FSHR: variants seen among roughly 807,000 people sequenced by gnomAD.
FSHR encodes the protein follicle-stimulating hormone receptor.
FSHR carries 46 observed loss-of-function variants against 52.1 expected under a neutral mutation model. The ratio of observed to expected loss-of-function variants is 0.88; its 90% confidence interval spans 0.70 to 1.13. The LOEUF is 1.13. Ranked by LOEUF, FSHR falls within the 50% of genes most tolerant of loss-of-function variation. The pLI is 0.00. For missense variants in FSHR, 964 were observed against 834.6 expected (o/e 1.16, Z -1.91); for synonymous variants, 399 against 309.6 (o/e 1.29, Z -3.03).
chr2:49,127,817 CTTCTTCTTCTTCCT>C (rs1672085382), intron 1 of FSHR, among the ~76,000 whole-genome samples: 1 of 49,716 alleles, frequency 2.0e-5, no homozygotes, highest in African/African-American at 8.4e-5. Context: ...TCTTCTTCTT[CTTCTTCTTCTTCCT>C]CTTCTTCTTC....
At chr2:49,134,748 C>G (rs569596621) in intron 1 of FSHR, among the ~76,000 whole-genome samples, 1 of 152,086 alleles carries the variant, frequency 6.6e-6, no homozygotes, top group Non-Finnish European at 1.5e-5. Context: ...AAAAATGATG[C>G]GTTCATGTCC....
At chr2:49,039,961 T>G (rs1438088947) in intron 2 of FSHR, among the ~76,000 whole-genome samples, 4 of 152,062 alleles carry the variant, frequency 2.6e-5, no homozygotes, top group South Asian at 2.1e-4. Context: ...ATTACTTTCA[T>G]AATCATAAAA....
chr2:49,067,012 G>C (rs1238122887), intron 2 of FSHR, among the ~76,000 whole-genome samples: 4 of 152,044 alleles, frequency 2.6e-5, no homozygotes, highest in Non-Finnish European at 5.9e-5. Context: ...TGTGATAGTT[G>C]AATGTCCTCA....
rs985931427 is a variant in FSHR, at chr2:48,962,706, T to C, written c.*27A>G. ...AAGGCAAGACTGAATTATCATTCAA[T>C]ACTCAGATACATTTTCACATTGTGT... is the stretch of plus-strand genomic sequence containing the variant. On this transcript the variant is annotated 3_prime_UTR_variant, in exon 10 of 10. Transcript: ENST00000406846. The C allele has an allele frequency of 1.2e-6, 2 of 1,605,432 alleles. No individual in the cohort carries two copies. Among genetic ancestry groups the C allele is most frequent in the African/African-American group, 2.7e-5 (2 of 74,722 alleles).
At chr2:49,041,282 T>C (rs1052467419) in intron 2 of FSHR, among the ~76,000 whole-genome samples, 1 of 152,164 alleles carries the variant, frequency 6.6e-6, no homozygotes, top group African/African-American at 2.4e-5. Context: ...TGAGTATGGA[T>C]AGAAATGGAA....
intron 8 of FSHR, among the ~76,000 whole-genome samples, chr2:48,981,502 C>T (rs1029356254): frequency 1.3e-5 from 2 of 152,086 alleles, no homozygotes; most frequent in Non-Finnish European, 2.9e-5. Context: ...TTGGTCTAAA[C>T]CAAGGCAGTC....
chr2:49,015,766 A>T (rs1002031911), intron 4 of FSHR, among the ~76,000 whole-genome samples: 1 of 152,202 alleles, frequency 6.6e-6, no homozygotes, highest in Non-Finnish European at 1.5e-5. Context: ...ACCTCTAAGC[A>T]GGACTGGCTA....
At chr2:48,980,162 A>G (rs1559092341) in intron 8 of FSHR, among the ~76,000 whole-genome samples, 1 of 152,196 alleles carries the variant, frequency 6.6e-6, no homozygotes, top group Non-Finnish European at 1.5e-5. Flanking sequence ...TTTTGGCCCC[A>G]GGGGGAAAAG....
intron 4 of FSHR, among the ~76,000 whole-genome samples, chr2:49,011,113 T>G (rs1461298845): frequency 1.9e-4 from 29 of 151,146 alleles, no homozygotes; most frequent in South Asian, 2.1e-4. Context: ...TCTTTTAATT[T>G]TGATGTTAGG....
intron 1 of FSHR, among the ~76,000 whole-genome samples, chr2:49,118,331 G>A (rs540074846): frequency 8.6e-5 from 13 of 151,990 alleles, no homozygotes; most frequent in Admixed American, 7.9e-4. Context: ...GGGGCCAAAG[G>A]GGAGAAAAGA....
chr2:49,116,790 A>C (rs1671614580), intron 1 of FSHR, among the ~76,000 whole-genome samples: 1 of 152,216 alleles, frequency 6.6e-6, no homozygotes, highest in African/African-American at 2.4e-5. Context: ...TAGAATGGTC[A>C]AATCAGGGTT....
intron 1 of FSHR, among the ~76,000 whole-genome samples, chr2:49,143,834 A>G (rs1672776269): frequency 6.6e-6 from 1 of 152,148 alleles, no homozygotes; most frequent in Non-Finnish European, 1.5e-5. Flanking sequence ...AGCCAAAGTG[A>G]TTTATACTGC....
intron 1 of FSHR, among the ~76,000 whole-genome samples, chr2:49,105,966 G>A (rs1671206162): frequency 6.6e-6 from 1 of 152,148 alleles, no homozygotes; most frequent in South Asian, 2.1e-4. Flanking sequence ...GCAGTCATAA[G>A]AAAATCACTC....
intron 2 of FSHR, among the ~76,000 whole-genome samples, chr2:49,039,715 T>C (rs12613782): frequency 0.054 from 8,207 of 152,280 alleles, 383 homozygotes; most frequent in East Asian, 0.23. Context: ...TTTTAAATAT[T>C]TTAATGGCCA....
At chr2:49,068,738 C>A (rs1464541364) in intron 1 of FSHR, among the ~76,000 whole-genome samples, 4 of 152,086 alleles carry the variant, frequency 2.6e-5, no homozygotes, top group Non-Finnish European at 4.4e-5. Flanking sequence ...TATACCCTCT[C>A]AGGGCTCACT....
chr2:49,070,306 G>T (rs368094185), intron 1 of FSHR, among the ~76,000 whole-genome samples: 2 of 151,994 alleles, frequency 1.3e-5, no homozygotes, highest in Non-Finnish European at 2.9e-5. Flanking sequence ...TCTTTATTAA[G>T]CCATTTAAAT....
Position 48,963,027 on chromosome 2 carries a change from C to G in FSHR, c.1794G>C (p.Lys598Asn). ...CTTTGGACACAGTGATGAGGGGCAC[C>G]TTGAGGGAGGCAGAAATGGCAAAGA... ...ISFFAISASL[K>N]VPLITVSKAK... The change falls in exon 10 of 10, where the codon AAG becomes AAC. Residue 598 changes from lysine (K) to asparagine (N), a missense_variant. By Grantham distance (94) the Lys-to-Asn change is moderately conservative. Coordinates refer to ENST00000406846, the MANE Select transcript of FSHR (RefSeq NM_000145.4). The G allele has an allele frequency of 6.2e-7, 1 of 1,614,002 alleles. No individual in the cohort carries two copies. The highest frequency in any genetic ancestry group is 1.7e-5 in the Admixed American group (1 of 60,000).
chr2:49,134,391 C>A (rs538351190), intron 1 of FSHR, among the ~76,000 whole-genome samples: 2 of 152,058 alleles, frequency 1.3e-5, no homozygotes, highest in Admixed American at 1.3e-4. Context: ...GTTAAAATGG[C>A]GATCATTAAA....
intron 1 of FSHR, among the ~76,000 whole-genome samples, chr2:49,127,762 TC>T (rs1672066311): frequency 3.3e-5 from 1 of 29,984 alleles, no homozygotes; most frequent in African/African-American, 1.5e-4. Flanking sequence ...TTCTTCTTCT[TC>T]TTCTTCTTCT....
Sources: allele counts gnomAD v4.1 joint callset (sites outside exome capture counted in the v4.1 genomes callset), GRCh38; gene constraint gnomAD v4.1.1; transcripts MANE v1.5; gene names NCBI Gene and HGNC (gene_info 2026-07-23, HGNC 2026-07-21).